Variants in RBFOX3 observed in about 807,000 individuals in gnomAD.
RBFOX3 encodes the protein RNA binding protein fox-1 homolog 3.
In RBFOX3, 17 loss-of-function variants were observed where a neutral mutation model predicts 48.7. That is an observed-to-expected ratio of 0.35 (90% CI 0.24 to 0.52). RBFOX3 has a LOEUF of 0.52. Ranked by LOEUF, RBFOX3 falls within the 20% of genes least tolerant of loss-of-function variation. The probability of loss-of-function intolerance (pLI) is 0.94; values close to 1 mark genes in which losing one functional copy is unlikely to be tolerated. For missense variants in RBFOX3, 382 were observed against 497.5 expected (o/e 0.77, Z 2.21); for synonymous variants, 212 against 209.5 (o/e 1.01, Z -0.10).
chr17:79,401,383 A>G (rs540843196), intron 2 of RBFOX3, among the ~76,000 whole-genome samples: 6 of 152,216 alleles, frequency 3.9e-5, no homozygotes, highest in African/African-American at 1.4e-4. Context: ...AAATAAGAAG[A>G]GCCAGTGAGC....
At chr17:79,207,433 G>T (rs2057660192) in intron 4 of RBFOX3, among the ~76,000 whole-genome samples, 1 of 152,224 alleles carries the variant, frequency 6.6e-6, no homozygotes, top group Non-Finnish European at 1.5e-5. Context: ...GGTCAGAGGT[G>T]CCTGGATGCT....
Position 79,252,611 on chromosome 17 carries a change from C to G in RBFOX3, c.-73-16806G>C, listed in dbSNP as rs538565673. The stretch of plus-strand genomic sequence containing the variant: ...AACCAGTGAGGCTCCTTCCTGACTT[C>G]TGCCTTCCAGAACTGCAAGGCCACC... On this transcript the variant is annotated intron_variant, in intron 3 of 14. Coordinates refer to ENST00000693108, the MANE Select transcript of RBFOX3 (RefSeq NM_001350451.2). The surrounding 1 kb of genome is among the most constrained non-coding windows in gnomAD (Gnocchi z 4.0). Among the ~76,000 whole-genome samples, 11 of 152,340 alleles carry G rather than the reference C, an allele frequency of 7.2e-5. No homozygotes were observed. The highest frequency in any genetic ancestry group is 6.2e-4 in the South Asian group (3 of 4,824).
At chr17:79,573,039 T>G (rs1396382603) in intron 1 of RBFOX3, among the ~76,000 whole-genome samples, 1 of 152,218 alleles carries the variant, frequency 6.6e-6, no homozygotes, top group Non-Finnish European at 1.5e-5. Flanking sequence ...CAATTCCAGT[T>G]TACCTGGGCG....
the RBFOX3 span, among the ~76,000 whole-genome samples, chr17:79,648,658 G>A: frequency 6.6e-6 from 1 of 152,212 alleles, no homozygotes; most frequent in Non-Finnish European, 1.5e-5. Flanking sequence ...TGGTATTAGG[G>A]TCCAAGGACA....
chr17:79,658,292 C>T, the RBFOX3 span, among the ~76,000 whole-genome samples: 1 of 148,508 alleles, frequency 6.7e-6, no homozygotes, highest in Non-Finnish European at 1.5e-5. Context: ...CCTCCTCCAC[C>T]CTTCCCTCTC....
chr17:79,567,779 A>C (rs2092524189), intron 1 of RBFOX3, among the ~76,000 whole-genome samples: 1 of 152,206 alleles, frequency 6.6e-6, no homozygotes, highest in Admixed American at 6.5e-5. Flanking sequence ...GATCTTTAAC[A>C]GAGTCCTTGC....
chr17:79,545,062 T>C (rs916098692), intron 1 of RBFOX3, among the ~76,000 whole-genome samples: 1 of 149,404 alleles, frequency 6.7e-6, no homozygotes. Flanking sequence ...AAAACAAGAA[T>C]GAATCCTGGG....
chr17:79,401,214 C>G (rs1259422319), intron 2 of RBFOX3, among the ~76,000 whole-genome samples: 1 of 152,230 alleles, frequency 6.6e-6, no homozygotes, highest in Admixed American at 6.5e-5. Context: ...CGGGGCTCCG[C>G]GGTCAGGTTC....
intron 2 of RBFOX3, among the ~76,000 whole-genome samples, chr17:79,463,692 CTGCCAT>C (rs1382787627): frequency 8.0e-6 from 1 of 125,336 alleles, no homozygotes; most frequent in African/African-American, 2.8e-5. Flanking sequence ...GCCACTGCCA[CTGCCAT>C]CACCACTGCC....
intron 4 of RBFOX3, among the ~76,000 whole-genome samples, chr17:79,188,135 C>T (rs1007328256): frequency 6.6e-6 from 1 of 152,202 alleles, no homozygotes; most frequent in East Asian, 1.9e-4. Context: ...GGCGAGGCCT[C>T]GCTGGAGGTG....
At position 79,487,913 on chromosome 17, in the gene RBFOX3, G is replaced by GAA. The variant is rs60345819; in HGVS notation, c.-319-5317_-319-5316dup. Among the ~76,000 whole-genome samples the GAA allele has an allele frequency of 8.7e-4, 67 of 76,908 alleles. 1 individual carries two copies. Among genetic ancestry groups the GAA allele is most frequent in the Middle Eastern group, 9.3e-3 (1 of 108 alleles). The allele number at this position is 76,908 out of a possible 152,430, so 50.5% of individuals were successfully genotyped here. On this transcript the variant is annotated intron_variant, in intron 1 of 14. Coordinates refer to ENST00000693108, the MANE Select transcript of RBFOX3 (RefSeq NM_001350451.2). The stretch of plus-strand genomic sequence containing the variant: ...GGTGACAGAGCAAGACCCCATCTCA[G>GAA]AAAAAAAAAAAAAAAAATTCCTGGG...
chr17:79,291,746 G>A (rs1001281148), intron 3 of RBFOX3, among the ~76,000 whole-genome samples: 1 of 152,186 alleles, frequency 6.6e-6, no homozygotes, highest in Non-Finnish European at 1.5e-5. Context: ...ACAGAACACA[G>A]AGAGTACACA....
rs114692392 is a variant in RBFOX3 at position 79,122,221 on chromosome 17, C to T, written c.-33-6473G>A. On this transcript the variant is annotated intron_variant, in intron 4 of 14. Transcript: ENST00000693108. Reference sequence around the variant, plus strand: ...AACCGCCCACTGCTCCCACCTTGGTCGGGCCGCCATCATCTCCTGTCTGGT... The same window carrying T: ...AACCGCCCACTGCTCCCACCTTGGTTGGGCCGCCATCATCTCCTGTCTGGT... Among the ~76,000 whole-genome samples the T allele has an allele frequency of 5.6e-3, 857 of 152,294 alleles. 19 individuals are homozygous for T. Among genetic ancestry groups the T allele is most frequent in the African/African-American group, 0.02 (833 of 41,552 alleles).
the RBFOX3 span, among the ~76,000 whole-genome samples, chr17:79,651,570 C>T: frequency 2.6e-5 from 4 of 151,824 alleles, no homozygotes; most frequent in South Asian, 2.1e-4. Context: ...GAAGATGCTG[C>T]AGCTTCCATC....
At chr17:79,246,017 A>G (rs1051743526) in intron 3 of RBFOX3, among the ~76,000 whole-genome samples, 7 of 118,144 alleles carry the variant, frequency 5.9e-5, no homozygotes, top group African/African-American at 1.6e-4. Context: ...AGCATGTCAG[A>G]AAAAAAAAAA....
At chr17:79,141,281 G>C (rs2041866706) in intron 4 of RBFOX3, among the ~76,000 whole-genome samples, 2 of 152,204 alleles carry the variant, frequency 1.3e-5, no homozygotes, top group Admixed American at 6.5e-5. Flanking sequence ...AGCTGGGGTT[G>C]GGGCAGGAAT....
intron 1 of RBFOX3, among the ~76,000 whole-genome samples, chr17:79,567,356 G>T: frequency 1.3e-5 from 2 of 151,738 alleles, no homozygotes; most frequent in Middle Eastern, 6.8e-3. Flanking sequence ...GCTAATTTTT[G>T]TATTTTTTGG....
chr17:79,505,345 G>A (rs1288463542), intron 1 of RBFOX3, among the ~76,000 whole-genome samples: 3 of 152,166 alleles, frequency 2.0e-5, no homozygotes, highest in African/African-American at 7.2e-5. Context: ...CTCAGTCCAC[G>A]AACAACAGAG....
At chr17:79,417,948 T>C (rs2148688939) in intron 2 of RBFOX3, among the ~76,000 whole-genome samples, 1 of 152,080 alleles carries the variant, frequency 6.6e-6, no homozygotes, top group East Asian at 1.9e-4. Context: ...TGACGCTGAG[T>C]GAAGTAAGCT....
Sources: gnomAD v4.1 joint callset for allele counts (sites outside exome capture counted in the v4.1 genomes callset) on GRCh38, gnomAD v4.1.1 for gene constraint, Gnocchi (gnomAD v3.1) non-coding constraint, MANE v1.5 for transcripts, NCBI Gene and HGNC (gene_info 2026-07-23, HGNC 2026-07-21) for gene names.